Variants in PAPPA2 observed in about 807,000 individuals in gnomAD.
PAPPA2 encodes the protein pappalysin 2, also known as pappalysin-2.
In PAPPA2, 86 loss-of-function variants were observed where a neutral mutation model predicts 176.4. That is an observed-to-expected ratio of 0.49 (90% CI 0.41 to 0.58). PAPPA2 has a LOEUF of 0.58. PAPPA2 is among the 20% of genes least tolerant of loss of function. The probability of loss-of-function intolerance (pLI) is 0.00; values close to 1 mark genes in which losing one functional copy is unlikely to be tolerated. For missense variants in PAPPA2, 2,073 were observed against 2,256.9 expected, an observed-to-expected ratio of 0.92 and a Z score of 1.65; for synonymous variants, 809 against 852.2, an observed-to-expected ratio of 0.95 and a Z score of 0.88.
chr1:176,598,653 A>C (rs935768376), intron 3 of PAPPA2, among the ~76,000 whole-genome samples: 10 of 152,094 alleles, frequency 6.6e-5, no homozygotes, highest in African/African-American at 2.2e-4. Context: ...AATTTGTAGA[A>C]TATATTTATG....
At chr1:176,537,238 G>A (rs980821062) in intron 1 of PAPPA2, 1 of 152,162 alleles carries the variant, frequency 6.6e-6, no homozygotes, top group Admixed American at 6.5e-5. Flanking sequence ...GAGTATACAT[G>A]GTATGGATTT....
chr1:176,588,120 C>T (rs1653436111), intron 2 of PAPPA2, among the ~76,000 whole-genome samples: 1 of 152,182 alleles, frequency 6.6e-6, no homozygotes, highest in Admixed American at 6.5e-5. Context: ...TTGAAGAGAT[C>T]CTTCATATCA....
At chr1:176,605,713 T>C (rs905666291) in intron 3 of PAPPA2, among the ~76,000 whole-genome samples, 9 of 152,198 alleles carry the variant, frequency 5.9e-5, no homozygotes, top group African/African-American at 2.2e-4. Flanking sequence ...TCGGAAGTCA[T>C]AGGTTTCTGG....
chr1:176,735,919 A>G (rs1662392374), intron 12 of PAPPA2, among the ~76,000 whole-genome samples: 2 of 152,148 alleles, frequency 1.3e-5, no homozygotes, highest in Non-Finnish European at 2.9e-5. Flanking sequence ...CCTACCTGAT[A>G]TCTAGCTAAA....
intron 21 of PAPPA2, among the ~76,000 whole-genome samples, chr1:176,831,323 G>A (rs12084617): frequency 0.017 from 2,594 of 152,252 alleles, 57 homozygotes; most frequent in African/African-American, 0.06. Context: ...ACACATTCCC[G>A]TCAGGAATGG....
rs11804208 is a variant in PAPPA2 at position 176,671,597 on chromosome 1, G to A, written c.2137+482G>A. 2.6e-4 allele frequency among the ~76,000 whole-genome samples: 39 copies of A among 152,140 alleles called. 1 individual carries two copies. Among genetic ancestry groups the A allele is most frequent in the African/African-American group, 9.1e-4 (38 of 41,534 alleles). On this transcript the variant is annotated intron_variant, in intron 4 of 22. Transcript: ENST00000367662. ...AAAAGAGTGGATACCTTAACACAAA[G>A]TGCAACTACTGAACACTTAAGAAAG... is the stretch of plus-strand genomic sequence containing the variant.
At chr1:176,568,535 A>G (rs1652118328) in intron 2 of PAPPA2, among the ~76,000 whole-genome samples, 1 of 152,180 alleles carries the variant, frequency 6.6e-6, no homozygotes, top group Non-Finnish European at 1.5e-5. Flanking sequence ...CTATGTTGTC[A>G]CTATCTTTTA....
At chr1:176,512,848 A>T (rs527476884) in intron 1 of PAPPA2, among the ~76,000 whole-genome samples, 7 of 152,284 alleles carry the variant, frequency 4.6e-5, no homozygotes, top group East Asian at 3.9e-4. Context: ...TTTACAAATT[A>T]AAAAAAGCAA....
intron 1 of PAPPA2, among the ~76,000 whole-genome samples, chr1:176,536,633 G>T (rs544928890): frequency 1.3e-5 from 2 of 152,290 alleles, no homozygotes; most frequent in South Asian, 4.1e-4. Flanking sequence ...CTGTTCCATG[G>T]TTCTCATTCT....
chr1:176,501,757 AAAC>A (rs1420609042), intron 1 of PAPPA2, among the ~76,000 whole-genome samples: 2 of 152,176 alleles, frequency 1.3e-5, no homozygotes, highest in Admixed American at 6.5e-5. Context: ...GCTGAGTAAA[AAAC>A]AACAACATGT....
chr1:176,538,070 A>G (rs949122480), intron 1 of PAPPA2, among the ~76,000 whole-genome samples: 1 of 151,954 alleles, frequency 6.6e-6, no homozygotes, highest in African/African-American at 2.4e-5. Flanking sequence ...CTGCTTATTC[A>G]CCTTCTCAAT....
chr1:176,651,277 G>A (rs756179350), intron 3 of PAPPA2, among the ~76,000 whole-genome samples: 14 of 150,450 alleles, frequency 9.3e-5, no homozygotes, highest in East Asian at 5.9e-4. Flanking sequence ...TTTTTCAGAC[G>A]GAAGAACTCT....
chr1:176,599,848 G>T (rs1654211016), intron 3 of PAPPA2, among the ~76,000 whole-genome samples: 1 of 151,884 alleles, frequency 6.6e-6, no homozygotes, highest in Admixed American at 6.6e-5. Context: ...ATCTAAGAAA[G>T]AATAATTATC....
chr1:176,635,938 C>T (rs1656675097), intron 3 of PAPPA2, among the ~76,000 whole-genome samples: 1 of 152,102 alleles, frequency 6.6e-6, no homozygotes, highest in African/African-American at 2.4e-5. Flanking sequence ...CTGAGTTAAC[C>T]TGACATTGTC....
intron 17 of PAPPA2, among the ~76,000 whole-genome samples, chr1:176,783,599 G>A (rs1198971197): frequency 6.6e-6 from 1 of 152,184 alleles, no homozygotes; most frequent in Non-Finnish European, 1.5e-5. Context: ...TGATTTGTCT[G>A]GAGAAGTTAG....
At chr1:176,720,352 T>A (rs960402991) in intron 12 of PAPPA2, among the ~76,000 whole-genome samples, 1 of 152,142 alleles carries the variant, frequency 6.6e-6, no homozygotes, top group African/African-American at 2.4e-5. Flanking sequence ...TTCTTTGTAA[T>A]CATATTTAAT....
At chr1:176,517,927 A>C (rs1219666859) in intron 1 of PAPPA2, among the ~76,000 whole-genome samples, 1 of 152,130 alleles carries the variant, frequency 6.6e-6, no homozygotes, top group Non-Finnish European at 1.5e-5. Flanking sequence ...TTGCCTTGAA[A>C]ATATCCATGG....
intron 3 of PAPPA2, among the ~76,000 whole-genome samples, chr1:176,664,775 T>C (rs192974009): frequency 6.6e-6 from 1 of 152,362 alleles, no homozygotes; most frequent in East Asian, 1.9e-4. Context: ...CATTTCCACA[T>C]GAATTAGCAA....
chr1:176,631,764 T>C (rs932788179), intron 3 of PAPPA2, among the ~76,000 whole-genome samples: 1 of 152,078 alleles, frequency 6.6e-6, no homozygotes, highest in Non-Finnish European at 1.5e-5. Flanking sequence ...TTCAAGAACT[T>C]TGGCTGAGAA....
Sources: allele counts gnomAD v4.1 joint callset (sites outside exome capture counted in the v4.1 genomes callset), GRCh38; gene constraint gnomAD v4.1.1; transcripts MANE v1.5; gene names NCBI Gene and HGNC (gene_info 2026-07-23, HGNC 2026-07-21).